Variants in ZNRF3 observed in about 807,000 individuals in gnomAD.
ZNRF3 encodes the protein zinc and ring finger 3.
A neutral mutation model predicts 72.5 loss-of-function variants in ZNRF3; 23 were observed. The observed-to-expected ratio is 0.32, with a 90% CI of 0.23 to 0.45. ZNRF3 has a LOEUF of 0.45. Ranked by LOEUF, ZNRF3 falls within the 20% of genes least tolerant of loss-of-function variation. The probability of loss-of-function intolerance (pLI) is 1.00; values close to 1 mark genes in which losing one functional copy is unlikely to be tolerated. For synonymous variants in ZNRF3, 610 were observed against 545.3 expected, an observed-to-expected ratio of 1.12 and a Z score of -1.65; for missense variants, 1,169 against 1,272.1, an observed-to-expected ratio of 0.92 and a Z score of 1.23.
At chr22:28,922,555 A>G (rs1373315013) in intron 1 of ZNRF3, among the ~76,000 whole-genome samples, 1 of 151,996 alleles carries the variant, frequency 6.6e-6, no homozygotes, top group Non-Finnish European at 1.5e-5. Context: ...TGTTTTCTTG[A>G]CCCTTTCTGT....
At chr22:29,012,130 C>T (rs1206382099) in intron 2 of ZNRF3, among the ~76,000 whole-genome samples, 4 of 152,314 alleles carry the variant, frequency 2.6e-5, no homozygotes, top group South Asian at 4.1e-4. Flanking sequence ...CACTCAAATC[C>T]GTGCTTAGAG....
intron 1 of ZNRF3, among the ~76,000 whole-genome samples, chr22:28,948,206 C>T (rs1181730433): frequency 1.3e-5 from 2 of 151,886 alleles, no homozygotes; most frequent in African/African-American, 2.4e-5. Flanking sequence ...GCTCTGTCGC[C>T]TAGACTGGAG....
In ZNRF3 at chr22:29,050,005, TGA is replaced by T. The variant is rs2037160343; in HGVS notation, c.1826_1827del (p.Glu609GlyfsTer71). 4 of 1,611,982 alleles carry T rather than the reference TGA, an allele frequency of 2.5e-6. No individual in the cohort carries two copies. The South Asian group carries it at 4.4e-5, about 18-fold the overall frequency. ...GCAGCCGGAGCCCCTGTCGTGCCAG[TGA>T]GGCGGGGGGCTCGGGCAGCTCGGGC... ...YRSRSPCRAS[E>X]AGGSGSSGRG... is the part of the protein sequence containing the mutation. On this transcript the variant is annotated frameshift_variant, in exon 8 of 9. Coordinates refer to ENST00000544604, the MANE Select transcript of ZNRF3 (RefSeq NM_001206998.2). LOFTEE classifies it high-confidence loss of function.
At chr22:28,985,974 C>T (rs1234302782) in intron 1 of ZNRF3, among the ~76,000 whole-genome samples, 1 of 152,220 alleles carries the variant, frequency 6.6e-6, no homozygotes, top group Non-Finnish European at 1.5e-5. Context: ...CGGCCCCCTC[C>T]TCCACCTTCA....
chr22:28,892,824 G>C (rs549813909), intron 1 of ZNRF3, among the ~76,000 whole-genome samples: 1 of 152,246 alleles, frequency 6.6e-6, no homozygotes, highest in East Asian at 1.9e-4. Context: ...ATGGGAAAAC[G>C]TATGTTAGAA....
At chr22:28,996,054 G>A (rs1819354535) in intron 2 of ZNRF3, among the ~76,000 whole-genome samples, 1 of 152,214 alleles carries the variant, frequency 6.6e-6, no homozygotes, top group African/African-American at 2.4e-5. Context: ...GGGATTACAG[G>A]CGTGAGCCAC....
At chr22:28,992,375 C>T (rs2035972231) in intron 2 of ZNRF3, among the ~76,000 whole-genome samples, 1 of 152,030 alleles carries the variant, frequency 6.6e-6, no homozygotes, top group Admixed American at 6.6e-5. Flanking sequence ...TGCTGATGCC[C>T]TTCCACAGCA....
At chr22:28,947,202 C>T (rs556574432) in intron 1 of ZNRF3, among the ~76,000 whole-genome samples, 3 of 151,844 alleles carry the variant, frequency 2.0e-5, no homozygotes, top group African/African-American at 7.3e-5. Flanking sequence ...TGCTATCAGC[C>T]ATGTATTACT....
chr22:28,941,308 A>T (rs754216275), intron 1 of ZNRF3, among the ~76,000 whole-genome samples: 8 of 152,166 alleles, frequency 5.3e-5, no homozygotes, highest in Non-Finnish European at 1.0e-4. Context: ...AATTCAGAGA[A>T]GGTTTTTGGT....
intron 1 of ZNRF3, among the ~76,000 whole-genome samples, chr22:28,959,189 GA>G (rs2035311880): frequency 2.0e-5 from 3 of 152,344 alleles, no homozygotes; most frequent in Non-Finnish European, 4.4e-5. Flanking sequence ...CAGCTTGCAT[GA>G]GCATCTGACC....
At chr22:29,032,796 G>A (rs1417756457) in intron 2 of ZNRF3, among the ~76,000 whole-genome samples, 1 of 152,266 alleles carries the variant, frequency 6.6e-6, no homozygotes, top group East Asian at 1.9e-4. Context: ...CAGCAGGAAA[G>A]AAGTCTGACA....
Position 29,049,978 on chromosome 22 carries a change from C to T in ZNRF3, c.1797C>T (p.Tyr599=), listed in dbSNP as rs750122794. ...SLSSDYDPFI[Y]RSRSPCRASE... is the part of the protein sequence containing the mutation. ...GCAGCGACTATGACCCCTTCATCTA[C>T]CGCAGCCGGAGCCCCTGTCGTGCCA... The change falls in exon 8 of 9, where the codon TAC becomes TAT. Residue 599 remains tyrosine, a synonymous_variant. Coordinates refer to ENST00000544604, the MANE Select transcript of ZNRF3 (RefSeq NM_001206998.2). The surrounding 1 kb of genome is among the most constrained non-coding windows in gnomAD (Gnocchi z 5.2). The T allele has an allele frequency of 3.2e-5, 52 of 1,612,182 alleles. No individual in the cohort carries two copies. The highest frequency in any genetic ancestry group is 4.1e-5 in the Non-Finnish European group (48 of 1,179,766).
At chr22:28,907,521 C>A (rs2034233400) in intron 1 of ZNRF3, among the ~76,000 whole-genome samples, 1 of 152,126 alleles carries the variant, frequency 6.6e-6, no homozygotes, top group African/African-American at 2.4e-5. Context: ...CCCACAGTGC[C>A]CAGATGGTGT....
At chr22:29,045,058 A>G (rs1057406617) in intron 5 of ZNRF3, among the ~76,000 whole-genome samples, 168 bp downstream of exon 5, 14 of 151,844 alleles carry the variant, frequency 9.2e-5, no homozygotes, top group Non-Finnish European at 1.8e-4. Context: ...GCAAAGATGG[A>G]AAAAAAATAA....
intron 1 of ZNRF3, among the ~76,000 whole-genome samples, chr22:28,903,853 G>A (rs1379301110): frequency 1.3e-5 from 2 of 152,192 alleles, no homozygotes. Context: ...TCCAGAATGT[G>A]TATAGGGAAA....
chr22:29,024,798 A>C (rs894458422), intron 2 of ZNRF3, among the ~76,000 whole-genome samples: 3 of 152,104 alleles, frequency 2.0e-5, no homozygotes, highest in Non-Finnish European at 4.4e-5. Flanking sequence ...ATAAAATTTC[A>C]GGTAGTGACC....
chr22:28,934,444 C>G (rs1221415220), intron 1 of ZNRF3, among the ~76,000 whole-genome samples: 1 of 152,128 alleles, frequency 6.6e-6, no homozygotes, highest in Non-Finnish European at 1.5e-5. Context: ...CCTGTTTCCC[C>G]TGAATGTTGA....
rs144457135 is a variant in ZNRF3 at position 28,975,088 on chromosome 22, G to A, written c.301-11988G>A. On this transcript the variant is annotated intron_variant, in intron 1 of 8. Transcript: ENST00000544604. ...TTTTTTTTCTTTCTAAGTTTTCACA[G>A]TTTAGAGGAGGACTACTTGAAGATT... 9.9e-4 allele frequency among the ~76,000 whole-genome samples: 150 copies of A among 152,120 alleles called. 3 individuals carry two copies. In the South Asian group the frequency reaches 0.022, roughly 22 times the overall value.
At chr22:28,887,756 AGATATATT>A (rs1176603545) in intron 1 of ZNRF3, among the ~76,000 whole-genome samples, 1 of 152,220 alleles carries the variant, frequency 6.6e-6, no homozygotes, top group Non-Finnish European at 1.5e-5. Context: ...AAGGGTTCTT[AGATATATT>A]GATACATATT....
Sources: gnomAD v4.1 joint callset for allele counts (sites outside exome capture counted in the v4.1 genomes callset) on GRCh38, gnomAD v4.1.1 for gene constraint, Gnocchi (gnomAD v3.1) non-coding constraint, MANE v1.5 for transcripts, NCBI Gene and HGNC (gene_info 2026-07-23, HGNC 2026-07-21) for gene names.